UNKL: variants seen among roughly 807,000 people sequenced by gnomAD.
UNKL encodes the protein putative E3 ubiquitin-protein ligase UNKL.
UNKL carries 60 observed loss-of-function variants against 78.0 expected under a neutral mutation model. The ratio of observed to expected loss-of-function variants is 0.77; its 90% CI spans 0.63 to 0.95. UNKL has a LOEUF of 0.95. UNKL is among the 40% of genes least tolerant of loss of function. UNKL has a pLI of 0.00. For missense variants in UNKL, 1,159 were observed against 1,045.7 expected (o/e 1.11, Z -1.49); for synonymous variants, 608 against 474.8 (o/e 1.28, Z -3.65).
chr16:1,414,207 C>T (rs1006355761), intron 1 of UNKL, 152 bp from the exon 2 acceptor site: 15 of 750,692 alleles, frequency 2.0e-5, no homozygotes, highest in Non-Finnish European at 2.7e-5. Context: ...CGCCCACCCC[C>T]ATCCCGACTC....
rs754145087 is a variant in UNKL, at chr16:1,367,079, G to C, written c.2046+13C>G. ...GCAGGCTGGCCCCTCACCCTGCCCA[G>C]AGCAGGACTCACGCCGTCCACCGCC... On this transcript the variant is annotated intron_variant, in intron 14 of 14. Coordinates refer to ENST00000389221, the MANE Select transcript of UNKL (RefSeq NM_001372107.1). The C allele has an allele frequency of 3.3e-6, 5 of 1,532,390 alleles. No homozygotes were observed. In the African/African-American group the frequency reaches 5.4e-5, roughly 17 times the overall value. 94.9% of individuals were successfully genotyped at this position (1,532,390 alleles called of 1,614,324 possible). A position where few individuals can be genotyped will look rare whatever the true frequency, so the allele number is the denominator to read the frequency against.
chr16:1,406,505 G>A (rs868441319), intron 2 of UNKL, among the ~76,000 whole-genome samples: 6 of 152,160 alleles, frequency 3.9e-5, no homozygotes, highest in Middle Eastern at 3.4e-3. Flanking sequence ...GAGCCACCGC[G>A]CCCGGCCTAA....
intron 2 of UNKL, 135 bp downstream of exon 2, chr16:1,413,711 T>C: frequency 1.0e-6 from 1 of 1,004,720 alleles, no homozygotes; most frequent in Non-Finnish European, 1.4e-6. Flanking sequence ...CTAGAAAATT[T>C]CAGCGTATAA....
At chr16:1,401,395 C>G in intron 4 of UNKL, 173 bp downstream of exon 4, 1 of 831,542 alleles carries the variant, frequency 1.2e-6, no homozygotes, top group Admixed American at 3.9e-5. Context: ...AAATCCCACT[C>G]GGCACCCACC....
chr16:1,402,069 A>G (rs768628599), intron 3 of UNKL, among the ~76,000 whole-genome samples: 37 of 152,284 alleles, frequency 2.4e-4, no homozygotes, highest in Non-Finnish European at 1.8e-4. Flanking sequence ...AGCCCCACCC[A>G]AGTAAGAGCG....
intron 12 of UNKL, chr16:1,369,806 C>G (rs2035637504): frequency 1.3e-6 from 1 of 775,696 alleles, no homozygotes; most frequent in African/African-American, 1.7e-5. Context: ...GAAACGCCAT[C>G]TCTACTAAAA....
At chr16:1,370,438 G>A (rs2141961224) in intron 11 of UNKL, 81 bp from the exon 12 acceptor site, 1 of 1,499,828 alleles carries the variant, frequency 6.7e-7, no homozygotes, top group Non-Finnish European at 8.8e-7. Context: ...AGCCGTGGAA[G>A]ACGGACCCTG....
At chr16:1,366,639 C>CGGCA (rs920627586) in intron 14 of UNKL, among the ~76,000 whole-genome samples, 1 of 152,192 alleles carries the variant, frequency 6.6e-6, no homozygotes, top group African/African-American at 2.4e-5. Flanking sequence ...ACCACAGACA[C>CGGCA]GGCAGTGGCC....
At chr16:1,374,682 C>A (rs192252072) in intron 10 of UNKL, among the ~76,000 whole-genome samples, 85 of 152,298 alleles carry the variant, frequency 5.6e-4, no homozygotes, top group Non-Finnish European at 6.2e-4. Flanking sequence ...ACAACCCACC[C>A]CACCCAGCAG....
Position 1,363,692 on chromosome 16 carries a change from T to G in UNKL, c.*2548A>C, listed in dbSNP as rs1206254192. ...GCCTCAGCCACCTAGGAGCCATCCC[T>G]GAGGCCATGGCCACCAAGACAGGTG... On this transcript the variant is annotated 3_prime_UTR_variant, in exon 15 of 15. Transcript: ENST00000389221. 1 of 170,220 alleles carries G rather than the reference T, an allele frequency of 5.9e-6. No homozygotes were observed. The highest frequency in any genetic ancestry group is 1.3e-5 in the Non-Finnish European group (1 of 78,460). The allele number at this position is 170,220 out of a possible 1,614,324, so 10.5% of individuals were successfully genotyped here. A position where few individuals can be genotyped will look rare whatever the true frequency, so the allele number is the denominator to read the frequency against.
intron 10 of UNKL, among the ~76,000 whole-genome samples, chr16:1,378,485 C>T (rs899074580): frequency 1.3e-5 from 2 of 152,224 alleles, no homozygotes; most frequent in African/African-American, 4.8e-5. Context: ...ACGGAGGCGC[C>T]TTTTCTCCCC....
intron 2 of UNKL, among the ~76,000 whole-genome samples, chr16:1,404,864 C>T (rs865995133): frequency 2.6e-5 from 4 of 152,050 alleles, no homozygotes; most frequent in South Asian, 4.2e-4. Flanking sequence ...ATGGGGTAAA[C>T]GCGGGCTTCC....
chr16:1,385,491 G>T, intron 9 of UNKL, 106 bp from the exon 10 acceptor site: 1 of 1,166,510 alleles, frequency 8.6e-7, no homozygotes, highest in Non-Finnish European at 1.1e-6. Context: ...CAACTTCTAC[G>T]CCCTGGCGAG....
intron 12 of UNKL, 95 bp from the exon 13 acceptor site, chr16:1,367,953 G>A (rs2035447712): frequency 8.5e-7 from 1 of 1,169,962 alleles, no homozygotes; most frequent in Non-Finnish European, 1.2e-6. Context: ...CCGCTACGTG[G>A]GCACCCTCTG....
Position 1,366,128 on chromosome 16 carries a change from C to G in UNKL, c.*112G>C. On this transcript the variant is annotated 3_prime_UTR_variant, in exon 15 of 15. Transcript: ENST00000389221. ...ATGATAACGTGTAACAGGAAGGGCT[C>G]CCAGCCTCGGTCCTCACGTCGGTGG... is the stretch of plus-strand genomic sequence containing the variant. 7.7e-7 allele frequency: 1 copy of G among 1,300,078 alleles called. No homozygotes were observed. Among genetic ancestry groups the G allele is most frequent in the Non-Finnish European group, 1.0e-6 (1 of 996,382 alleles). 80.5% of individuals were successfully genotyped at this position (1,300,078 alleles called of 1,614,324 possible). A position where few individuals can be genotyped will look rare whatever the true frequency, so the allele number is the denominator to read the frequency against.
chr16:1,397,830 A>T (rs1410682356), intron 5 of UNKL, among the ~76,000 whole-genome samples: 3 of 151,996 alleles, frequency 2.0e-5, no homozygotes, highest in Non-Finnish European at 4.4e-5. Flanking sequence ...GGGGATGAGG[A>T]GGTGTCAGGG....
At chr16:1,369,054 A>ATTTT (rs2035552683) in intron 12 of UNKL, among the ~76,000 whole-genome samples, 2 of 70,502 alleles carry the variant, frequency 2.8e-5, no homozygotes, top group Non-Finnish European at 2.9e-5. Context: ...CCAAAGTATT[A>ATTTT]GTTTTTTTTT....
At chr16:1,386,350 C>T (rs1450843900) in intron 9 of UNKL, among the ~76,000 whole-genome samples, 2 of 152,086 alleles carry the variant, frequency 1.3e-5, no homozygotes, top group African/African-American at 2.4e-5. Flanking sequence ...ATCAGGAGTT[C>T]GAGACCAGGC....
In UNKL at chr16:1,367,268, G is replaced by A; in HGVS notation, c.1870C>T (p.Gln624Ter). Residue 624 changes from glutamine to a stop codon, truncating the protein, a stop_gained, in exon 14 of 15, where the codon CAG becomes TAG. Coordinates refer to ENST00000389221, the MANE Select transcript of UNKL (RefSeq NM_001372107.1). LOFTEE classifies it high-confidence loss of function. ...VADSDRQLAL[Q>*]KKEEVEAQVK... ...TGTGCCTCCACCTCCTCCTTCTTCT[G>A]CAGCGCCAGCTGCCGGTCGCTATCG... is the stretch of plus-strand genomic sequence containing the variant. The A allele has an allele frequency of 1.3e-6, 2 of 1,578,256 alleles. No homozygotes were observed. Among genetic ancestry groups the A allele is most frequent in the Non-Finnish European group, 1.7e-6 (2 of 1,166,424 alleles).
Sources: gnomAD v4.1 joint callset for allele counts (sites outside exome capture counted in the v4.1 genomes callset) on GRCh38, gnomAD v4.1.1 for gene constraint, MANE v1.5 for transcripts, NCBI Gene and HGNC (gene_info 2026-07-23, HGNC 2026-07-21) for gene names.